CPA6: variants seen among roughly 807,000 people sequenced by gnomAD.
CPA6 encodes carboxypeptidase A6, also known as carboxypeptidase B.
A neutral mutation model predicts 63.3 loss-of-function variants in CPA6; 58 were observed. That is an observed-to-expected ratio of 0.92 (90% confidence interval 0.74 to 1.14). CPA6 has a LOEUF of 1.14. Among genes scored for constraint, CPA6 ranks in the 50% most tolerant of loss-of-function variants. CPA6 has a pLI of 0.00. For missense variants in CPA6, 565 were observed against 526.6 expected (o/e 1.07, Z -0.71); for synonymous variants, 185 against 179.0 (o/e 1.03, Z -0.27).
chr8:67,709,922 C>T (rs919687361), intron 1 of CPA6, among the ~76,000 whole-genome samples: 1 of 151,682 alleles, frequency 6.6e-6, no homozygotes, highest in Non-Finnish European at 1.5e-5. Context: ...ACCAGCCTGG[C>T]CAACATGGTG....
At chr8:67,583,923 T>G (rs185368781) in intron 2 of CPA6, among the ~76,000 whole-genome samples, 1 of 152,018 alleles carries the variant, frequency 6.6e-6, no homozygotes, top group Non-Finnish European at 1.5e-5. Context: ...TTTGGGAGGC[T>G]GAGGCAGGAG....
intron 2 of CPA6, among the ~76,000 whole-genome samples, chr8:67,552,705 A>G (rs1280035861): frequency 1.4e-5 from 2 of 139,692 alleles, no homozygotes; most frequent in South Asian, 5.0e-4. Flanking sequence ...CCCGGGAGGC[A>G]GAGCTTGCAT....
In CPA6 at chr8:67,567,439, T is replaced by C. The variant is rs148728298; in HGVS notation, c.193-49392A>G. Among the ~76,000 whole-genome samples, 496 of 152,298 alleles carry C rather than the reference T, an allele frequency of 3.3e-3. 2 individuals are homozygous for C. Among genetic ancestry groups the C allele is most frequent in the Non-Finnish European group, 3.6e-3 (243 of 68,022 alleles). ...TCATTGACTTACCAATGAATAAACATAGGAGTTTTGCCATCAAAACATTGC... is the reference window on the plus strand; with the variant it reads ...TCATTGACTTACCAATGAATAAACACAGGAGTTTTGCCATCAAAACATTGC... On this transcript the variant is annotated intron_variant, in intron 2 of 10. Transcript: ENST00000297770.
chr8:67,578,329 G>A (rs1199162616), intron 2 of CPA6, among the ~76,000 whole-genome samples: 1 of 152,234 alleles, frequency 6.6e-6, no homozygotes, highest in Non-Finnish European at 1.5e-5. Context: ...GCACCATGCT[G>A]AAGATCTAAA....
In CPA6 at chr8:67,740,702, G is replaced by A. The variant is rs541845390; in HGVS notation, c.116+5312C>T. ...CTCCTGCCTCAGCCTCCTGAGTAGC[G>A]GGGACTACAGGTGCATGCTACCACG... is the stretch of plus-strand genomic sequence containing the variant. On this transcript the variant is annotated intron_variant, in intron 1 of 10. Coordinates refer to ENST00000297770, the MANE Select transcript of CPA6 (RefSeq NM_020361.5). 8.7e-4 allele frequency among the ~76,000 whole-genome samples: 132 copies of A among 152,008 alleles called. 1 individual carries two copies. Among genetic ancestry groups the A allele is most frequent in the African/African-American group, 2.8e-3 (116 of 41,476 alleles).
intron 3 of CPA6, among the ~76,000 whole-genome samples, chr8:67,513,528 G>A (rs1456047866): frequency 6.6e-6 from 1 of 152,124 alleles, no homozygotes; most frequent in African/African-American, 2.4e-5. Context: ...TTTGCCAAAG[G>A]CGGAAATCTA....
chr8:67,627,829 T>G (rs1187666345), intron 1 of CPA6, among the ~76,000 whole-genome samples: 1 of 152,202 alleles, frequency 6.6e-6, no homozygotes, highest in East Asian at 1.9e-4. Flanking sequence ...CTAATAATCC[T>G]GCTGTACAGT....
At chr8:67,627,248 C>T (rs879902999) in intron 1 of CPA6, among the ~76,000 whole-genome samples, 1 of 152,136 alleles carries the variant, frequency 6.6e-6, no homozygotes, top group African/African-American at 2.4e-5. Context: ...CCCAAATGCC[C>T]TGTTTGTTTC....
chr8:67,619,155 T>C (rs1587641096), intron 2 of CPA6, among the ~76,000 whole-genome samples: 1 of 152,348 alleles, frequency 6.6e-6, no homozygotes, highest in South Asian at 2.1e-4. Context: ...ATTTATAGCC[T>C]ATGCATGTAG....
chr8:67,700,341 T>C (rs949595118), intron 1 of CPA6, among the ~76,000 whole-genome samples: 1 of 152,266 alleles, frequency 6.6e-6, no homozygotes, highest in African/African-American at 2.4e-5. Flanking sequence ...TACTATCTGG[T>C]AACTGACCCC....
At chr8:67,510,431 T>TAC (rs1812019632) in intron 4 of CPA6, among the ~76,000 whole-genome samples, 1 of 151,468 alleles carries the variant, frequency 6.6e-6, no homozygotes, top group Non-Finnish European at 1.5e-5. Flanking sequence ...TGTGTGTGTA[T>TAC]ACACATACAT....
intron 2 of CPA6, among the ~76,000 whole-genome samples, chr8:67,546,345 G>A (rs1812818363): frequency 6.6e-6 from 1 of 152,144 alleles, no homozygotes; most frequent in Non-Finnish European, 1.5e-5. Flanking sequence ...CAGTCTGGCC[G>A]AGTGACTAGG....
chr8:67,595,190 C>T (rs990791792), intron 2 of CPA6, among the ~76,000 whole-genome samples: 1 of 152,200 alleles, frequency 6.6e-6, no homozygotes. Flanking sequence ...GTCTGCAGAA[C>T]TGCGGATTTT....
intron 1 of CPA6, among the ~76,000 whole-genome samples, chr8:67,661,380 GT>G (rs1474928305): frequency 5.9e-5 from 9 of 152,184 alleles, no homozygotes; most frequent in Non-Finnish European, 8.8e-5. Flanking sequence ...CTGGAAGCCT[GT>G]TGCAAGGACT....
At chr8:67,487,791 C>T (rs551319484) in intron 6 of CPA6, among the ~76,000 whole-genome samples, 1 of 152,280 alleles carries the variant, frequency 6.6e-6, no homozygotes, top group Non-Finnish European at 1.5e-5. Flanking sequence ...TTTTGATTTG[C>T]GTTTCTCTGA....
intron 2 of CPA6, among the ~76,000 whole-genome samples, chr8:67,619,667 C>T (rs768511043): frequency 1.3e-5 from 2 of 152,176 alleles, no homozygotes; most frequent in Admixed American, 6.5e-5. Context: ...TTTTTCAGAT[C>T]TTGAATTCCA....
chr8:67,595,870 C>T (rs555723581), intron 2 of CPA6, among the ~76,000 whole-genome samples: 119 of 152,314 alleles, frequency 7.8e-4, no homozygotes, highest in East Asian at 1.6e-3. Context: ...CTTCGGCTGG[C>T]GCACAGTGTG....
Position 67,475,835 on chromosome 8 carries a change from CTTT to C in CPA6, c.838+7930_838+7932del, listed in dbSNP as rs1563967685. ...TTTCTTTCCTTTCTTTTCTTTCTTTCTTTCTTTCTTTCTTTCTTTCTTTCTTTC... is the reference window on the plus strand; with the variant it reads ...TTTCTTTCCTTTCTTTTCTTTCTTTCCTTTCTTTCTTTCTTTCTTTCTTTC... On this transcript the variant is annotated intron_variant, in intron 8 of 10. Coordinates refer to ENST00000297770, the MANE Select transcript of CPA6 (RefSeq NM_020361.5). 1.5e-3 allele frequency among the ~76,000 whole-genome samples: 85 copies of C among 56,704 alleles called. 2 individuals carry two copies. Among genetic ancestry groups the C allele is most frequent in the African/African-American group, 4.6e-3 (51 of 11,162 alleles). 37.2% of individuals were successfully genotyped at this position (56,704 alleles called of 152,430 possible).
chr8:67,594,559 T>C (rs935102691), intron 2 of CPA6, among the ~76,000 whole-genome samples: 1 of 152,180 alleles, frequency 6.6e-6, no homozygotes, highest in Admixed American at 6.5e-5. Flanking sequence ...CGTAGTCCCA[T>C]ATTTCTTGGA....
Sources: gnomAD v4.1 joint callset for allele counts (sites outside exome capture counted in the v4.1 genomes callset) on GRCh38, gnomAD v4.1.1 for gene constraint, MANE v1.5 for transcripts, NCBI Gene and HGNC (gene_info 2026-07-23, HGNC 2026-07-21) for gene names.